DENND4A: variants seen among roughly 807,000 people sequenced by gnomAD.
DENND4A encodes C-myc promoter-binding protein.
Under a neutral mutation model 199.3 loss-of-function variants are expected in DENND4A, and 70 were observed. The observed-to-expected ratio is 0.35, with a 90% CI of 0.29 to 0.43. DENND4A has a LOEUF of 0.43. DENND4A is among the 20% of genes least tolerant of loss of function. The pLI is 1.00. For synonymous variants in DENND4A, 686 were observed against 766.9 expected (o/e 0.89, Z 1.74); for missense variants, 1,723 against 2,255.8 (o/e 0.76, Z 4.78).
At chr15:65,791,859 C>T (rs2077739895) in intron 1 of DENND4A, among the ~76,000 whole-genome samples, 151 bp downstream of exon 1, 1 of 152,190 alleles carries the variant, frequency 6.6e-6, no homozygotes, top group Non-Finnish European at 1.5e-5. Flanking sequence ...GAGCACCTCC[C>T]GGATCTCAGG....
rs986563869 is a variant in DENND4A at position 65,771,766 on chromosome 15, T to C, written c.-101-10328A>G. On this transcript the variant is annotated intron_variant, in intron 1 of 32. Coordinates refer to ENST00000443035, the MANE Select transcript of DENND4A (RefSeq NM_001320835.1). ...ACCTCTATGGAAATTAAATCTGCCA[T>C]TGTTTTGGTGGTTACATGCTTGTTC... The C allele has an allele frequency of 6.2e-6, 10 of 1,612,840 alleles. No homozygotes were observed. In the East Asian group the frequency reaches 8.9e-5, roughly 14 times the overall value.
At chr15:65,680,044 C>G (rs1365884980) in intron 23 of DENND4A, among the ~76,000 whole-genome samples, 1 of 152,104 alleles carries the variant, frequency 6.6e-6, no homozygotes, top group Non-Finnish European at 1.5e-5. Flanking sequence ...GATTTCATAC[C>G]TTTGTGAGCT....
chr15:65,731,654 G>A lies in DENND4A; in HGVS notation c.1154C>T (p.Pro385Leu), dbSNP rs1320988165. The A allele has an allele frequency of 6.4e-7, 1 of 1,559,012 alleles. No homozygotes were observed. ...NLILSQPVSSPLPLSGGKFST... is the reference protein window; with the variant it reads ...NLILSQPVSSLLPLSGGKFST... The stretch of plus-strand genomic sequence containing the variant: ...AGGTTTTACTTGCCTTAGTGGAAGA[G>A]GTGAAGACACAGGCTGACTGAGAAT... The change falls in exon 9 of 33, where the codon CCT (proline) becomes CTT (leucine). Residue 385 changes from proline (P) to leucine (L), a missense_variant. Pro to Leu is a moderately conservative substitution (Grantham distance 98, BLOSUM62 -3). Around this residue, in one of 6 missense-constraint regions of DENND4A, gnomAD observed 725 missense variants for 952.9 expected, o/e 0.76. Transcript: ENST00000443035.
intron 22 of DENND4A, among the ~76,000 whole-genome samples, chr15:65,692,977 T>G (rs2077023030): frequency 6.6e-6 from 1 of 152,142 alleles, no homozygotes; most frequent in Non-Finnish European, 1.5e-5. Flanking sequence ...GTTTCTACAT[T>G]TGCAAAGGGT....
At chr15:65,712,736 ACT>A (rs2075286905) in intron 14 of DENND4A, among the ~76,000 whole-genome samples, 1 of 151,344 alleles carries the variant, frequency 6.6e-6, no homozygotes, top group South Asian at 2.1e-4. Flanking sequence ...TAAAAAAAAA[ACT>A]CACTGATTTT....
At position 65,731,674 on chromosome 15, in the gene DENND4A, G is replaced by A; in HGVS notation, c.1134C>T (p.Leu378=). 1.3e-6 allele frequency: 2 copies of A among 1,560,116 alleles called. No homozygotes were observed. The highest frequency in any genetic ancestry group is 2.4e-5 in the South Asian group (2 of 83,840). The change falls in exon 9 of 33, where the codon CTC becomes CTT. Residue 378 remains leucine, a synonymous_variant. Coordinates refer to ENST00000443035, the MANE Select transcript of DENND4A (RefSeq NM_001320835.1). ...GAAGAGGTGAAGACACAGGCTGACTGAGAATCAGATTATCATGTGGTGATA... is the reference window on the plus strand; with the variant it reads ...GAAGAGGTGAAGACACAGGCTGACTAAGAATCAGATTATCATGTGGTGATA... ...VQLSPHDNLI[L]SQPVSSPLPL...
intron 23 of DENND4A, among the ~76,000 whole-genome samples, chr15:65,684,503 T>C (rs553489399): frequency 6.6e-6 from 1 of 152,378 alleles, no homozygotes; most frequent in South Asian, 2.1e-4. Flanking sequence ...TTTTCGTCCA[T>C]TAATATCTCT....
intron 1 of DENND4A, chr15:65,767,326 T>C (rs535695947): frequency 2.0e-5 from 3 of 152,254 alleles, no homozygotes; most frequent in Non-Finnish European, 4.4e-5. Flanking sequence ...TTCTCTCTCT[T>C]TCCACAAGAT....
At chr15:65,732,142 G>C (rs201473997) in intron 8 of DENND4A, among the ~76,000 whole-genome samples, 2 of 152,064 alleles carry the variant, frequency 1.3e-5, no homozygotes, top group East Asian at 3.8e-4. Context: ...GAATAGTTGT[G>C]ACAGAGATCA....
chr15:65,773,372 T>C (rs2140903507), intron 1 of DENND4A, among the ~76,000 whole-genome samples: 1 of 152,314 alleles, frequency 6.6e-6, no homozygotes, highest in Non-Finnish European at 1.5e-5. Flanking sequence ...GACCCTGCCT[T>C]ACAGCGGTTT....
chr15:65,666,374 A>G (rs2076038424), intron 29 of DENND4A, among the ~76,000 whole-genome samples: 1 of 152,186 alleles, frequency 6.6e-6, no homozygotes, highest in Non-Finnish European at 1.5e-5. Flanking sequence ...TGGCTACTCA[A>G]TGATTAACAA....
intron 9 of DENND4A, 124 bp from the exon 10 acceptor site, chr15:65,729,802 ATTTG>A: frequency 1.2e-6 from 1 of 852,466 alleles, no homozygotes; most frequent in Non-Finnish European, 1.7e-6. Context: ...TTAGGGTACA[ATTTG>A]TATTATATAT....
In DENND4A at chr15:65,729,608, C is replaced by T. The variant is rs759747339; in HGVS notation, c.1237G>A (p.Val413Ile). ...TGGATAAGAATTTTATGTTCTGTTACTGCAAACACCAGTAGTGTCACAGCA... is the reference window on the plus strand; with the variant it reads ...TGGATAAGAATTTTATGTTCTGTTATTGCAAACACCAGTAGTGTCACAGCA... ...ENAVTLLVFA[V>I]TEHKILIHSL... Residue 413 changes from valine (V) to isoleucine (I), a missense_variant, in exon 10 of 33, where the codon GTA becomes ATA. Physicochemically the swap from Val to Ile is conservative, Grantham distance 29 (BLOSUM62 3). Transcript: ENST00000443035. The T allele has an allele frequency of 4.4e-6, 7 of 1,586,466 alleles. No homozygotes were observed. The highest frequency in any genetic ancestry group is 5.1e-6 in the Non-Finnish European group (6 of 1,165,180).
Position 65,792,025 on chromosome 15 carries a change from C to G in DENND4A, c.-117G>C, listed in dbSNP as rs1484081206. ...CCGCACTCACCACCCAGCTGGCTCCCGTGCGAGCAGCGGATCGAGCTCGGA... is the reference window on the plus strand; with the variant it reads ...CCGCACTCACCACCCAGCTGGCTCCGGTGCGAGCAGCGGATCGAGCTCGGA... On this transcript the variant is annotated 5_prime_UTR_variant, in exon 1 of 33. Coordinates refer to ENST00000443035, the MANE Select transcript of DENND4A (RefSeq NM_001320835.1). 5 of 152,334 alleles carry G rather than the reference C, an allele frequency of 3.3e-5. No homozygotes were observed. Among genetic ancestry groups the G allele is most frequent in the Non-Finnish European group, 7.3e-5 (5 of 68,112 alleles). The allele number at this position is 152,334 out of a possible 1,614,324, so 9.4% of individuals were successfully genotyped here. A position where few individuals can be genotyped will look rare whatever the true frequency, so the allele number is the denominator to read the frequency against.
chr15:65,771,314 C>T, intron 1 of DENND4A: 1 of 1,589,686 alleles, frequency 6.3e-7, no homozygotes, highest in South Asian at 1.1e-5. Context: ...TCTTTCTTTC[C>T]AGCAGTTATT....
intron 24 of DENND4A, among the ~76,000 whole-genome samples, chr15:65,676,141 A>AAAAAATATATATATAT (rs1362535499): frequency 6.3e-5 from 7 of 110,450 alleles, no homozygotes; most frequent in South Asian, 3.5e-4. Context: ...AATAAGGAAA[A>AAAAAATATATATATAT]ATATATATAT....
chr15:65,689,249 T>C (rs932172106), intron 23 of DENND4A, among the ~76,000 whole-genome samples: 2 of 152,216 alleles, frequency 1.3e-5, no homozygotes, highest in African/African-American at 2.4e-5. Context: ...CTTTATATTC[T>C]TGAACATATT....
At position 65,729,043 on chromosome 15, in the gene DENND4A, T is replaced by C. The variant is rs576870432; in HGVS notation, c.1487+29A>G. 4.7e-5 allele frequency: 72 copies of C among 1,545,918 alleles called. No homozygotes were observed. In the South Asian group the frequency reaches 7.6e-4, roughly 16 times the overall value. ...ACATATGCTACAAAGTTGTAAAATA[T>C]ACATGTAGAATCACTAAAATGTACT... is the stretch of plus-strand genomic sequence containing the variant. On this transcript the variant is annotated intron_variant, in intron 11 of 32. Transcript: ENST00000443035.
rs377678005 is a variant in DENND4A at position 65,694,404 on chromosome 15, G to A, written c.3082+1962C>T. ...GCAGAGGTTGCAGTGAGCCAAGATCGTGCCACTGCACTCCAGCCTGGGCAC... is the reference window on the plus strand; with the variant it reads ...GCAGAGGTTGCAGTGAGCCAAGATCATGCCACTGCACTCCAGCCTGGGCAC... On this transcript the variant is annotated intron_variant, in intron 22 of 32. Transcript: ENST00000443035. 1.1e-3 allele frequency among the ~76,000 whole-genome samples: 163 copies of A among 151,742 alleles called. 1 individual carries two copies. The highest frequency in any genetic ancestry group is 7.4e-3 in the East Asian group (38 of 5,160).
Sources: allele counts gnomAD v4.1 joint callset (sites outside exome capture counted in the v4.1 genomes callset), GRCh38; gene constraint gnomAD v4.1.1; regional missense constraint gnomAD v4.1.1; transcripts MANE v1.5; gene names NCBI Gene and HGNC (gene_info 2026-07-23, HGNC 2026-07-21).